DRAXIN: variants seen among roughly 807,000 people sequenced by gnomAD.
DRAXIN encodes dorsal repulsive axon guidance protein.
DRAXIN carries 27 observed loss-of-function variants against 33.9 expected under a neutral mutation model. The observed-to-expected ratio is 0.80, with a 90% CI of 0.59 to 1.10. The LOEUF (loss-of-function observed/expected upper bound fraction) is 1.10, where lower values mean the gene tolerates loss of function less well. Ranked by LOEUF, DRAXIN falls within the 50% of genes least tolerant of loss-of-function variation. DRAXIN has a pLI of 0.00. For synonymous variants in DRAXIN, 178 were observed against 194.0 expected (o/e 0.92, Z 0.69); for missense variants, 371 against 460.8 (o/e 0.81, Z 1.78).
chr1:11,715,241 A>T lies in DRAXIN; in HGVS notation c.937+33A>T, dbSNP rs114110252. 2.5e-3 allele frequency: 4,030 copies of T among 1,613,260 alleles called. 89 individuals are homozygous for T. The African/African-American group carries it at 0.045, about 18-fold the overall frequency. ...CAGACTCCTTTGCGGGGGGCTACCC[A>T]TGCTCTGAGAACCACAAAGCCTCCC... On this transcript the variant is annotated intron_variant, in intron 6 of 6. Coordinates refer to ENST00000294485, the MANE Select transcript of DRAXIN (RefSeq NM_198545.4).
rs1469279869 is a variant in DRAXIN, at chr1:11,692,233, GTCTC to G, written c.-11+384_-11+387del. On this transcript the variant is annotated intron_variant, in intron 1 of 6. Coordinates refer to ENST00000294485, the MANE Select transcript of DRAXIN (RefSeq NM_198545.4). The surrounding 1 kb of genome is among the most constrained non-coding windows in gnomAD (Gnocchi z 5.8). ...TCTCTCCCTGACCCAGTCTCCCTTT[GTCTC>G]TCTGTCTCTGAGTCTCCGGGTGGTC... Among the ~76,000 whole-genome samples the G allele has an allele frequency of 6.6e-6, 1 of 152,156 alleles. No individual in the cohort carries two copies. Among genetic ancestry groups the G allele is most frequent in the Admixed American group, 6.5e-5 (1 of 15,280 alleles).
chr1:11,712,694 T>C (rs1428741705), intron 5 of DRAXIN, among the ~76,000 whole-genome samples: 2 of 149,086 alleles, frequency 1.3e-5, no homozygotes, highest in East Asian at 2.0e-4. Flanking sequence ...AGGTCAGGAG[T>C]TTGAGAGCAT....
intron 2 of DRAXIN, among the ~76,000 whole-genome samples, chr1:11,707,699 C>G (rs1641410818): frequency 6.6e-6 from 1 of 152,218 alleles, no homozygotes; most frequent in Admixed American, 6.5e-5. Flanking sequence ...CTGTTTGTCT[C>G]AGTGCTCCCC....
At chr1:11,713,344 G>A (rs936607428) in intron 5 of DRAXIN, among the ~76,000 whole-genome samples, 11 of 152,164 alleles carry the variant, frequency 7.2e-5, no homozygotes, top group African/African-American at 2.4e-4. Context: ...ACAGCCCCAT[G>A]CTGCCTTAAA....
intron 1 of DRAXIN, among the ~76,000 whole-genome samples, chr1:11,703,849 C>T (rs1288110983): frequency 1.3e-5 from 2 of 152,000 alleles, no homozygotes; most frequent in East Asian, 3.9e-4. Flanking sequence ...GACCCACAGC[C>T]AAGTAGGGTC....
upstream of DRAXIN, among the ~76,000 whole-genome samples, chr1:11,687,343 G>A (rs1023835132): frequency 3.9e-5 from 6 of 152,174 alleles, no homozygotes; most frequent in Admixed American, 1.3e-4. This position sits in a 1 kb window ranked among gnomAD's most constrained non-coding sequence, Gnocchi z 4.1. Context: ...CGATTCAAGC[G>A]ATTCTCCTGC....
At position 11,704,700 on chromosome 1, in the gene DRAXIN, C is replaced by T. The variant is rs1570311865; in HGVS notation, c.-10-1549C>T. Among the ~76,000 whole-genome samples the T allele has an allele frequency of 6.6e-6, 1 of 152,322 alleles. No individual in the cohort carries two copies. The highest frequency in any genetic ancestry group is 2.4e-5 in the African/African-American group (1 of 41,570). On this transcript the variant is annotated intron_variant, in intron 1 of 6. Transcript: ENST00000294485. The surrounding 1 kb of genome is among the most constrained non-coding windows in gnomAD (Gnocchi z 4.6). ...TCACAACAAGCCTGTCCCAGGGTCC[C>T]ACGCACGTCACCAAGGCTCACCTAG...
chr1:11,697,589 G>A (rs1364383337), intron 1 of DRAXIN, among the ~76,000 whole-genome samples: 1 of 152,346 alleles, frequency 6.6e-6, no homozygotes, highest in East Asian at 1.9e-4. Flanking sequence ...CCAGGACTAT[G>A]TGTCCGCCCT....
chr1:11,711,788 A>G (rs1641498581), intron 3 of DRAXIN, 63 bp from the exon 4 acceptor site: 1 of 1,471,576 alleles, frequency 6.8e-7, no homozygotes, highest in Admixed American at 1.9e-5. Flanking sequence ...TGACCTTGGG[A>G]CTCCACACTC....
upstream of DRAXIN, among the ~76,000 whole-genome samples, chr1:11,688,518 G>C (rs1048096773): frequency 2.6e-5 from 4 of 151,656 alleles, no homozygotes; most frequent in Non-Finnish European, 5.9e-5. The surrounding 1 kb of genome is among the most constrained non-coding windows in gnomAD (Gnocchi z 4.6). Context: ...CCAAGATCGC[G>C]CCACTGCACT....
At chr1:11,690,882 T>C (rs550467695), upstream of DRAXIN, among the ~76,000 whole-genome samples, 2 of 152,264 alleles carry the variant, frequency 1.3e-5, no homozygotes, top group East Asian at 3.9e-4. The surrounding 1 kb of genome is among the most constrained non-coding windows in gnomAD (Gnocchi z 4.2). Context: ...TCTGAGAAGC[T>C]TCAGGCCGGC....
intron 1 of DRAXIN, among the ~76,000 whole-genome samples, chr1:11,697,715 G>A (rs1276294959): frequency 3.3e-5 from 5 of 152,124 alleles, no homozygotes; most frequent in African/African-American, 4.8e-5. Flanking sequence ...GCTGACCACC[G>A]GGATTCACTC....
At chr1:11,698,658 G>T (rs1641228160) in intron 1 of DRAXIN, among the ~76,000 whole-genome samples, 1 of 152,190 alleles carries the variant, frequency 6.6e-6, no homozygotes, top group African/African-American at 2.4e-5. Flanking sequence ...TTCAAGACCA[G>T]CCTGGGCAAC....
chr1:11,716,113 C>A (rs1418351101), intron 6 of DRAXIN, among the ~76,000 whole-genome samples: 1 of 152,242 alleles, frequency 6.6e-6, no homozygotes, highest in African/African-American at 2.4e-5. Context: ...AAGCGATCCA[C>A]CTGTCTTGGC....
At position 11,710,921 on chromosome 1, in the gene DRAXIN, C is replaced by CAAA. The variant is rs57916288; in HGVS notation, c.643-918_643-916dup. ...TGGGCGACAGAGTGAGACTCCATCT[C>CAAA]AAAAAAAAAAAAAAGGTTTTCAAAC... On this transcript the variant is annotated intron_variant, in intron 3 of 6. Coordinates refer to ENST00000294485, the MANE Select transcript of DRAXIN (RefSeq NM_198545.4). Among the ~76,000 whole-genome samples the CAAA allele has an allele frequency of 4.2e-4, 38 of 90,136 alleles. 1 individual carries two copies. Among genetic ancestry groups the CAAA allele is most frequent in the Non-Finnish European group, 6.3e-4 (32 of 50,638 alleles). 59.1% of individuals were successfully genotyped at this position (90,136 alleles called of 152,430 possible). A position where few individuals can be genotyped will look rare whatever the true frequency, so the allele number is the denominator to read the frequency against.
chr1:11,705,443 G>T lies in DRAXIN; in HGVS notation c.-10-806G>T, dbSNP rs1216648710. ...GGGTTGGCTCAGTCTACCCTGCAGG[G>T]GTCAGAGCCAAGTCTGCAAAGCTGT... On this transcript the variant is annotated intron_variant, in intron 1 of 6. Coordinates refer to ENST00000294485, the MANE Select transcript of DRAXIN (RefSeq NM_198545.4). This position sits in a 1 kb window ranked among gnomAD's most constrained non-coding sequence, Gnocchi z 4.8. 1.3e-5 allele frequency among the ~76,000 whole-genome samples: 2 copies of T among 152,160 alleles called. No homozygotes were observed. Among genetic ancestry groups the T allele is most frequent in the East Asian group, 3.9e-4 (2 of 5,162 alleles).
At position 11,694,895 on chromosome 1, in the gene DRAXIN, C is replaced by A. The variant is rs1641166430; in HGVS notation, c.-11+3042C>A. Among the ~76,000 whole-genome samples the A allele has an allele frequency of 6.6e-6, 1 of 152,174 alleles. No individual in the cohort carries two copies. The highest frequency in any genetic ancestry group is 1.5e-5 in the Non-Finnish European group (1 of 68,038). On this transcript the variant is annotated intron_variant, in intron 1 of 6. Transcript: ENST00000294485. This position sits in a 1 kb window ranked among gnomAD's most constrained non-coding sequence, Gnocchi z 4.9. ...GCCCCAACACCATGACCCACCCATG[C>A]CCCAACACCAAGACTTCTCTTGATG...
Position 11,699,648 on chromosome 1 carries a change from C to G in DRAXIN, c.-10-6601C>G, listed in dbSNP as rs1641241046. Among the ~76,000 whole-genome samples, 5 of 152,258 alleles carry G rather than the reference C, an allele frequency of 3.3e-5. No individual in the cohort carries two copies. In the South Asian group the frequency reaches 1.0e-3, roughly 32 times the overall value. On this transcript the variant is annotated intron_variant, in intron 1 of 6. Coordinates refer to ENST00000294485, the MANE Select transcript of DRAXIN (RefSeq NM_198545.4). ...AAACCGCCGGGCGCAGTGGCTCAAG[C>G]CAGGCATGGTGCTCACACCTGTAAT...
upstream of DRAXIN, among the ~76,000 whole-genome samples, chr1:11,688,423 T>C (rs191465212): frequency 6.5e-3 from 991 of 152,188 alleles, 14 homozygotes; most frequent in African/African-American, 0.023. The surrounding 1 kb of genome is among the most constrained non-coding windows in gnomAD (Gnocchi z 4.6). Context: ...TAGCCAGGCA[T>C]GGTGGCAGGT....
Sources: gnomAD v4.1 joint callset for allele counts (sites outside exome capture counted in the v4.1 genomes callset) on GRCh38, gnomAD v4.1.1 for gene constraint, Gnocchi (gnomAD v3.1) non-coding constraint, MANE v1.5 for transcripts, NCBI Gene and HGNC (gene_info 2026-07-23, HGNC 2026-07-21) for gene names.